Variants in PARD3B observed in about 807,000 individuals in gnomAD.
PARD3B encodes the protein par-3 family cell polarity regulator beta.
In PARD3B, 103 loss-of-function variants were observed where a neutral mutation model predicts 130.2. The observed-to-expected ratio is 0.79, with a 90% CI of 0.67 to 0.93. The LOEUF is 0.93. Ranked by LOEUF, PARD3B falls within the 40% of genes least tolerant of loss-of-function variation. The pLI is 0.00. For synonymous variants in PARD3B, 583 were observed against 553.2 expected (o/e 1.05, Z -0.76); for missense variants, 1,609 against 1,499.2 (o/e 1.07, Z -1.21).
At chr2:205,490,063 T>C (rs1259365935) in intron 20 of PARD3B, among the ~76,000 whole-genome samples, 1 of 152,178 alleles carries the variant, frequency 6.6e-6, no homozygotes, top group Non-Finnish European at 1.5e-5. Flanking sequence ...TCATGGTGTG[T>C]GTGAAAGAGC....
intron 18 of PARD3B, among the ~76,000 whole-genome samples, chr2:205,353,930 C>T (rs1411774200): frequency 6.6e-6 from 1 of 151,876 alleles, no homozygotes; most frequent in Non-Finnish European, 1.5e-5. Flanking sequence ...AGATAGTATT[C>T]CTCTTTAGTA....
rs1468172366 is a variant in PARD3B, at chr2:205,530,926, T to C, written c.3181-22398T>C. ...AGAAAATGCCAGAGTGGGAGGTGAG[T>C]GAAAGATGAGATGTCAAAGGAGAGG... On this transcript the variant is annotated intron_variant, in intron 21 of 22. Coordinates refer to ENST00000406610, the MANE Select transcript of PARD3B (RefSeq NM_001302769.2). This position sits in a 1 kb window ranked among gnomAD's most constrained non-coding sequence, Gnocchi z 4.7. 6.6e-6 allele frequency among the ~76,000 whole-genome samples: 1 copy of C among 151,760 alleles called. No homozygotes were observed. Among genetic ancestry groups the C allele is most frequent in the Admixed American group, 6.6e-5 (1 of 15,212 alleles).
rs1439022064 is a variant in PARD3B at position 205,087,435 on chromosome 2, C to G, written c.505-16991C>G. On this transcript the variant is annotated intron_variant, in intron 4 of 22. Coordinates refer to ENST00000406610, the MANE Select transcript of PARD3B (RefSeq NM_001302769.2). ...TCACAGGACTTGGCTTCTTATAACC[C>G]TCAAAGCCCCTTAGCTTTTTATAAA... Among the ~76,000 whole-genome samples, 4 of 152,154 alleles carry G rather than the reference C, an allele frequency of 2.6e-5. No individual in the cohort carries two copies. The South Asian group carries it at 8.3e-4, about 32-fold the overall frequency.
intron 2 of PARD3B, among the ~76,000 whole-genome samples, chr2:204,807,577 A>C (rs1337347982): frequency 6.6e-6 from 1 of 152,174 alleles, no homozygotes; most frequent in Non-Finnish European, 1.5e-5. Flanking sequence ...ACAATAGCCA[A>C]GATTCGGAAG....
intron 20 of PARD3B, among the ~76,000 whole-genome samples, chr2:205,443,128 TATC>T (rs1349403747): frequency 6.6e-6 from 1 of 152,206 alleles, no homozygotes; most frequent in African/African-American, 2.4e-5. Context: ...TGTTAGGTAT[TATC>T]ATCATCATTG....
rs973946181 is a variant in PARD3B at position 205,508,330 on chromosome 2, T to G, written c.3180+8299T>G. Among the ~76,000 whole-genome samples, 6 of 152,278 alleles carry G rather than the reference T, an allele frequency of 3.9e-5. No individual in the cohort carries two copies. The East Asian group carries it at 1.2e-3, about 29-fold the overall frequency. On this transcript the variant is annotated intron_variant, in intron 21 of 22. Transcript: ENST00000406610. ...GCCCATGCTTGTAATTTCAGCACTTTGGGAGGCCGAGATGAGAGGATCACT... is the reference window on the plus strand; with the variant it reads ...GCCCATGCTTGTAATTTCAGCACTTGGGGAGGCCGAGATGAGAGGATCACT...
rs761976783 is a variant in PARD3B at position 205,158,647 on chromosome 2, G to C, written c.1435-75G>C. The stretch of plus-strand genomic sequence containing the variant: ...ATCCTGTCCTACTGATTGCATCTGT[G>C]TCTGGTCATCTGAGAGAGTGAAATA... On this transcript the variant is annotated intron_variant, in intron 10 of 22. Transcript: ENST00000406610. The surrounding 1 kb of genome is among the most constrained non-coding windows in gnomAD (Gnocchi z 5.4). 7.8e-6 allele frequency: 11 copies of C among 1,404,440 alleles called. No homozygotes were observed. The highest frequency in any genetic ancestry group is 1.1e-5 in the Non-Finnish European group (11 of 1,020,466). The allele number at this position is 1,404,440 out of a possible 1,614,324, so 87.0% of individuals were successfully genotyped here.
intron 15 of PARD3B, among the ~76,000 whole-genome samples, chr2:205,236,499 G>A (rs957631184): frequency 6.6e-6 from 1 of 152,162 alleles, no homozygotes; most frequent in Non-Finnish European, 1.5e-5. Context: ...GAGCCAAGGA[G>A]AGATGCCCCA....
intron 11 of PARD3B, among the ~76,000 whole-genome samples, chr2:205,171,532 GCTGGTTGAAAGTA>G (rs2035172542): frequency 6.6e-6 from 1 of 152,234 alleles, no homozygotes. Context: ...TCCTGAAGAT[GCTGGTTGAAAGTA>G]CTCATTCATC....
At chr2:205,393,643 G>A (rs931205401) in intron 18 of PARD3B, among the ~76,000 whole-genome samples, 1 of 152,142 alleles carries the variant, frequency 6.6e-6, no homozygotes, top group East Asian at 1.9e-4. Flanking sequence ...AGTTCTCACA[G>A]GACATTGCTC....
chr2:204,882,472 G>A (rs1302739093), intron 2 of PARD3B, among the ~76,000 whole-genome samples: 1 of 152,110 alleles, frequency 6.6e-6, no homozygotes, highest in African/African-American at 2.4e-5. Context: ...TTTATGGCAA[G>A]TGTCTGACTG....
intron 11 of PARD3B, among the ~76,000 whole-genome samples, chr2:205,163,733 C>T (rs1298132132): frequency 6.6e-5 from 10 of 152,166 alleles, no homozygotes; most frequent in East Asian, 1.9e-4. Flanking sequence ...GAGCTCCCAG[C>T]GTGACTAATT....
In PARD3B at chr2:204,766,104, A is replaced by G. The variant is rs7598952; in HGVS notation, c.222+79822A>G. Reference sequence around the variant, plus strand: ...AGGTTTCCACTTTTAAGGCAATTCTATATATTTTGTTTCATATTATTGCCA... The same window carrying G: ...AGGTTTCCACTTTTAAGGCAATTCTGTATATTTTGTTTCATATTATTGCCA... On this transcript the variant is annotated intron_variant, in intron 2 of 22. Transcript: ENST00000406610. 5.5e-4 allele frequency among the ~76,000 whole-genome samples: 84 copies of G among 152,282 alleles called. 1 individual carries two copies. Among genetic ancestry groups the G allele is most frequent in the African/African-American group, 2.0e-3 (83 of 41,568 alleles).
chr2:205,136,650 G>A (rs1261439024), intron 10 of PARD3B, among the ~76,000 whole-genome samples: 1 of 152,052 alleles, frequency 6.6e-6, no homozygotes, highest in East Asian at 1.9e-4. Flanking sequence ...CTTCCCACTG[G>A]AGGAGAAAAA....
chr2:204,642,240 A>G (rs1004714710), intron 1 of PARD3B, among the ~76,000 whole-genome samples: 26 of 152,342 alleles, frequency 1.7e-4, no homozygotes, highest in Admixed American at 1.6e-3. Flanking sequence ...ACTTAGGCTC[A>G]GGCATAATAG....
chr2:204,842,953 T>G (rs1032124774), intron 2 of PARD3B, among the ~76,000 whole-genome samples: 9 of 152,076 alleles, frequency 5.9e-5, no homozygotes, highest in Non-Finnish European at 1.0e-4. Context: ...TTCATCAGCT[T>G]CAGATTCGCA....
At chr2:204,590,626 C>T (rs2033035017) in intron 1 of PARD3B, among the ~76,000 whole-genome samples, 1 of 152,146 alleles carries the variant, frequency 6.6e-6, no homozygotes, top group African/African-American at 2.4e-5. Flanking sequence ...GTGTCTGTTT[C>T]AGCAGCAAGA....
chr2:204,883,431 T>C (rs867617095), intron 2 of PARD3B, among the ~76,000 whole-genome samples: 3 of 111,050 alleles, frequency 2.7e-5, no homozygotes, highest in African/African-American at 3.8e-5. Flanking sequence ...TATATATATA[T>C]AAAATATATA....
At chr2:205,124,258 A>C in intron 8 of PARD3B, 69 bp from the exon 9 acceptor site, 1 of 1,219,898 alleles carries the variant, frequency 8.2e-7, no homozygotes, top group East Asian at 2.8e-5. Flanking sequence ...GGTAGATCTT[A>C]CTGTAAGACT....
Sources: allele counts gnomAD v4.1 joint callset (sites outside exome capture counted in the v4.1 genomes callset), GRCh38; gene constraint gnomAD v4.1.1; non-coding constraint Gnocchi (gnomAD v3.1); transcripts MANE v1.5; gene names NCBI Gene and HGNC (gene_info 2026-07-23, HGNC 2026-07-21).